SGCD: variants seen among roughly 807,000 people sequenced by gnomAD.
The protein encoded by SGCD is sarcoglycan delta.
SGCD carries 18 observed loss-of-function variants against 36.6 expected under a neutral mutation model. The ratio of observed to expected loss-of-function variants is 0.49; its 90% CI spans 0.34 to 0.73. SGCD has a LOEUF of 0.73. SGCD is among the 30% of genes least tolerant of loss of function. The probability of loss-of-function intolerance (pLI) is 0.01; values close to 1 mark genes in which losing one functional copy is unlikely to be tolerated. For missense variants in SGCD, 387 were observed against 346.7 expected, an observed-to-expected ratio of 1.12 and a Z score of -0.92; for synonymous variants, 133 against 130.6, an observed-to-expected ratio of 1.02 and a Z score of -0.12.
At chr5:156,586,361 T>A (rs1760495329) in intron 4 of SGCD, among the ~76,000 whole-genome samples, 1 of 152,212 alleles carries the variant, frequency 6.6e-6, no homozygotes. Context: ...GCTATCAACA[T>A]GATATACCAG....
At chr5:156,549,483 G>A (rs1758708447) in intron 4 of SGCD, among the ~76,000 whole-genome samples, 1 of 152,230 alleles carries the variant, frequency 6.6e-6, no homozygotes, top group African/African-American at 2.4e-5. Context: ...TGGCACCAGT[G>A]CAAAGTGAGG....
intron 1 of SGCD, among the ~76,000 whole-genome samples, chr5:156,059,656 T>A (rs978302422): frequency 1.4e-4 from 20 of 146,612 alleles, no homozygotes; most frequent in African/African-American, 4.9e-4. Flanking sequence ...CTACCTGGCT[T>A]TGCCAAAGTA....
At chr5:155,872,834 G>C (rs1037745325) in intron 1 of SGCD, among the ~76,000 whole-genome samples, 6 of 152,106 alleles carry the variant, frequency 3.9e-5, no homozygotes, top group African/African-American at 1.4e-4. Flanking sequence ...TCATAGTCTG[G>C]GAAAATGTCG....
At chr5:155,852,345 CTTA>C in the SGCD span, among the ~76,000 whole-genome samples, 1 of 152,030 alleles carries the variant, frequency 6.6e-6, no homozygotes. Flanking sequence ...GTGATATTGC[CTTA>C]TTATCACTAA....
chr5:156,362,885 C>T (rs1229350597), intron 3 of SGCD, among the ~76,000 whole-genome samples: 3 of 152,064 alleles, frequency 2.0e-5, no homozygotes, highest in Admixed American at 6.6e-5. Flanking sequence ...TGATTATTTG[C>T]ATTTAATTAA....
At chr5:156,197,895 C>T (rs1230743730) in intron 3 of SGCD, among the ~76,000 whole-genome samples, 1 of 151,992 alleles carries the variant, frequency 6.6e-6, no homozygotes, top group Non-Finnish European at 1.5e-5. Context: ...TTAAACTATG[C>T]TTATTAACAT....
At chr5:156,524,929 T>C (rs1757580655) in intron 4 of SGCD, among the ~76,000 whole-genome samples, 1 of 152,130 alleles carries the variant, frequency 6.6e-6, no homozygotes, top group African/African-American at 2.4e-5. Flanking sequence ...TAAGGCTAAA[T>C]AGTATTCCAT....
At chr5:155,804,502 A>G in the SGCD span, among the ~76,000 whole-genome samples, 1 of 152,314 alleles carries the variant, frequency 6.6e-6, no homozygotes, top group East Asian at 1.9e-4. Flanking sequence ...GTATGATTGT[A>G]TCCACTGTGT....
At chr5:156,043,058 A>T (rs1279117204) in intron 1 of SGCD, among the ~76,000 whole-genome samples, 1 of 152,194 alleles carries the variant, frequency 6.6e-6, no homozygotes, top group Non-Finnish European at 1.5e-5. Flanking sequence ...CAGTTTGGAG[A>T]TTAAAGATAA....
intron 3 of SGCD, among the ~76,000 whole-genome samples, chr5:156,319,740 G>A (rs963569871): frequency 6.6e-6 from 1 of 152,152 alleles, no homozygotes; most frequent in Non-Finnish European, 1.5e-5. Context: ...GTGTGATTTT[G>A]ACCATATCAC....
chr5:156,413,373 A>G (rs1772871963), intron 3 of SGCD, among the ~76,000 whole-genome samples: 1 of 152,254 alleles, frequency 6.6e-6, no homozygotes, highest in Non-Finnish European at 1.5e-5. Context: ...ATAGGGATAC[A>G]GAGCTCAGAG....
intron 3 of SGCD, among the ~76,000 whole-genome samples, chr5:156,145,747 C>T (rs1450924463): frequency 4.6e-5 from 7 of 152,048 alleles, no homozygotes; most frequent in Non-Finnish European, 8.8e-5. Context: ...AATTTTTTCA[C>T]ATGAACAAAT....
At chr5:156,186,241 A>C (rs967918527) in intron 3 of SGCD, among the ~76,000 whole-genome samples, 7 of 152,136 alleles carry the variant, frequency 4.6e-5, no homozygotes, top group Non-Finnish European at 1.0e-4. Context: ...ATTAATATAA[A>C]CATGGGGTGA....
intron 1 of SGCD, among the ~76,000 whole-genome samples, chr5:156,086,190 G>A (rs1761086963): frequency 6.6e-6 from 1 of 152,210 alleles, no homozygotes; most frequent in Admixed American, 6.5e-5. Flanking sequence ...ATAGCAGAAT[G>A]CTGTAATTTT....
chr5:156,720,526 A>G (rs1288050367), intron 7 of SGCD, among the ~76,000 whole-genome samples: 5 of 152,152 alleles, frequency 3.3e-5, no homozygotes, highest in Admixed American at 3.3e-4. Context: ...GAATATTCAG[A>G]CAGGAGGATG....
At chr5:155,826,487 C>T in the SGCD span, among the ~76,000 whole-genome samples, 477 of 152,310 alleles carry the variant, frequency 3.1e-3, 1 homozygote, top group African/African-American at 0.011. Flanking sequence ...CCCACTGTGG[C>T]TCCATATCAT....
At chr5:155,734,896 A>G in the SGCD span, among the ~76,000 whole-genome samples, 1 of 152,126 alleles carries the variant, frequency 6.6e-6, no homozygotes, top group African/African-American at 2.4e-5. Flanking sequence ...ACTGTGTTAG[A>G]TGTCTTTATA....
chr5:156,402,731 A>G (rs1163870393), intron 3 of SGCD, among the ~76,000 whole-genome samples: 2 of 152,330 alleles, frequency 1.3e-5, no homozygotes, highest in South Asian at 2.1e-4. Flanking sequence ...GTCTGAAGAC[A>G]AGTAATCAAA....
At chr5:156,456,866 A>G (rs1754286160) in intron 3 of SGCD, among the ~76,000 whole-genome samples, 2 of 152,364 alleles carry the variant, frequency 1.3e-5, no homozygotes, top group African/African-American at 2.4e-5. Flanking sequence ...GTTTTGAATT[A>G]AAACACATTT....
Sources: allele counts gnomAD v4.1 joint callset (sites outside exome capture counted in the v4.1 genomes callset), GRCh38; gene constraint gnomAD v4.1.1; transcripts MANE v1.5; gene names NCBI Gene and HGNC (gene_info 2026-07-23, HGNC 2026-07-21).